Variants in ALG9 observed in about 807,000 individuals in gnomAD.
The protein encoded by ALG9 is ALG9 alpha-1,2-mannosyltransferase, also known as alpha-1,2-mannosyltransferase ALG9.
In ALG9, 55 loss-of-function variants were observed where a neutral mutation model predicts 81.8. That is an observed-to-expected ratio of 0.67 (90% CI 0.54 to 0.84). The LOEUF (loss-of-function observed/expected upper bound fraction) is 0.84. Among genes scored for constraint, ALG9 ranks in the 40% least tolerant of loss-of-function variants. The pLI is 0.00. For synonymous variants in ALG9, 278 were observed against 274.3 expected (o/e 1.01, Z -0.13); for missense variants, 629 against 745.0 (o/e 0.84, Z 1.81).
At chr11:111,805,752 G>A (rs1331073351) in intron 14 of ALG9, among the ~76,000 whole-genome samples, 11 of 152,210 alleles carry the variant, frequency 7.2e-5, no homozygotes, top group African/African-American at 2.7e-4. Flanking sequence ...ATATGCCATA[G>A]AACTGTATAA....
At chr11:111,826,403 AC>A (rs1424939553) in intron 13 of ALG9, among the ~76,000 whole-genome samples, 3 of 145,928 alleles carry the variant, frequency 2.1e-5, no homozygotes, top group South Asian at 4.4e-4. Context: ...AAAAAAAAAA[AC>A]AAAAAAAAAC....
At chr11:111,839,166 A>G (rs1235074305) in intron 10 of ALG9, among the ~76,000 whole-genome samples, 1 of 152,248 alleles carries the variant, frequency 6.6e-6, no homozygotes, top group Admixed American at 6.5e-5. Flanking sequence ...TCCAATAATT[A>G]CATTATATAA....
chr11:111,795,596 T>C (rs537708525), intron 14 of ALG9, among the ~76,000 whole-genome samples: 1 of 152,262 alleles, frequency 6.6e-6, no homozygotes. Context: ...AGACCCTTGA[T>C]GTTCAATAAA....
chr11:111,798,304 G>T, intron 14 of ALG9: 1 of 185,598 alleles, frequency 5.4e-6, no homozygotes, highest in Non-Finnish European at 1.2e-5. Context: ...GGAGGACAGT[G>T]GGTGGAAAGT....
chr11:111,791,552 A>G (rs1265060195), intron 14 of ALG9, among the ~76,000 whole-genome samples: 1 of 152,126 alleles, frequency 6.6e-6, no homozygotes, highest in Non-Finnish European at 1.5e-5. Flanking sequence ...ATAAATCCCA[A>G]ACTCTCTCAT....
chr11:111,867,614 T>C (rs1555154516), intron 3 of ALG9, among the ~76,000 whole-genome samples: 1 of 152,014 alleles, frequency 6.6e-6, no homozygotes, highest in African/African-American at 2.4e-5. Flanking sequence ...AAAGAATCAG[T>C]GAAGTGGAAG....
At chr11:111,826,319 G>A (rs1164365271) in intron 13 of ALG9, among the ~76,000 whole-genome samples, 1 of 150,964 alleles carries the variant, frequency 6.6e-6, no homozygotes, top group Non-Finnish European at 1.5e-5. Context: ...CAGGGAGGTC[G>A]AGGCTGCAGT....
At chr11:111,774,493 G>C in the ALG9 span, among the ~76,000 whole-genome samples, 2 of 152,226 alleles carry the variant, frequency 1.3e-5, no homozygotes, top group Non-Finnish European at 1.5e-5. Flanking sequence ...AAAAACTCTA[G>C]AAGGACACAT....
chr11:111,828,951 T>C (rs1953858468), intron 13 of ALG9: 1 of 152,326 alleles, frequency 6.6e-6, no homozygotes, highest in South Asian at 2.1e-4. Context: ...TTATATATAT[T>C]GTTTTACTGT....
intron 5 of ALG9, among the ~76,000 whole-genome samples, chr11:111,859,025 G>C (rs1426157124): frequency 6.6e-6 from 1 of 152,026 alleles, no homozygotes; most frequent in African/African-American, 2.4e-5. Flanking sequence ...GGGCAACACA[G>C]TGAAACTCCA....
Position 111,783,272 on chromosome 11 carries a change from T to C in ALG9, c.*3125A>G, listed in dbSNP as rs547384257. On this transcript the variant is annotated 3_prime_UTR_variant, in exon 15 of 15. Transcript: ENST00000616540. ...GAGTTTAAGACCAGCCTGGCCAACA[T>C]GGTAAAACCCCACCTCTACTAAAAA... is the stretch of plus-strand genomic sequence containing the variant. 1 of 152,182 alleles carries C rather than the reference T, an allele frequency of 6.6e-6. No individual in the cohort carries two copies. Among genetic ancestry groups the C allele is most frequent in the East Asian group, 1.9e-4 (1 of 5,188 alleles). 9.4% of individuals were successfully genotyped at this position (152,182 alleles called of 1,614,324 possible). A position where few individuals can be genotyped will look rare whatever the true frequency, so the allele number is the denominator to read the frequency against.
chr11:111,785,542 T>C lies in ALG9; in HGVS notation c.*855A>G, dbSNP rs1555062194. ...TAATTTCCTCAGCAATGGCCTCAGA[T>C]TACATTACTTAAAAATGTGATGTCA... On this transcript the variant is annotated 3_prime_UTR_variant, in exon 15 of 15. Coordinates refer to ENST00000616540, the MANE Select transcript of ALG9 (RefSeq NM_024740.2). 1 of 154,132 alleles carries C rather than the reference T, an allele frequency of 6.5e-6. No homozygotes were observed. The highest frequency in any genetic ancestry group is 1.4e-5 in the Non-Finnish European group (1 of 69,380). The allele number at this position is 154,132 out of a possible 1,614,324, so 9.5% of individuals were successfully genotyped here.
rs1311317470 is a variant in ALG9, at chr11:111,871,354, G to A, written c.129C>T (p.Thr43=). The change falls in exon 1 of 15, where the codon ACC becomes ACT. Residue 43 remains threonine, a splice_region_variant and synonymous_variant. Coordinates refer to ENST00000616540, the MANE Select transcript of ALG9 (RefSeq NM_024740.2). ...CCCCTGCCGCGCCGCACACGTACTC[G>A]GTCCGGTGCTCCGCGCCGCCCGCCT... is the stretch of plus-strand genomic sequence containing the variant. ...SREAGGAEHR[T]ELSGNKAGQV... is the part of the protein sequence containing the mutation. 9.8e-6 allele frequency: 15 copies of A among 1,524,218 alleles called. No individual in the cohort carries two copies. In the Admixed American group the frequency reaches 2.4e-4, roughly 24 times the overall value. 94.4% of individuals were successfully genotyped at this position (1,524,218 alleles called of 1,614,324 possible). A position where few individuals can be genotyped will look rare whatever the true frequency, so the allele number is the denominator to read the frequency against.
chr11:111,822,363 C>T (rs932223086), intron 13 of ALG9, among the ~76,000 whole-genome samples: 6 of 141,852 alleles, frequency 4.2e-5, no homozygotes, highest in South Asian at 4.6e-4. Flanking sequence ...GAGCTGTGTT[C>T]GCACCACTGC....
intron 3 of ALG9, 35 bp from the exon 4 acceptor site, chr11:111,865,286 C>G (rs1961969778): frequency 5.4e-6 from 8 of 1,488,528 alleles, no homozygotes; most frequent in Non-Finnish European, 7.3e-6. Flanking sequence ...ACAGAAGTCA[C>G]AGATATGAGC....
intron 14 of ALG9, among the ~76,000 whole-genome samples, chr11:111,796,005 C>T (rs1304470599): frequency 2.6e-5 from 4 of 152,158 alleles, no homozygotes; most frequent in Non-Finnish European, 4.4e-5. Flanking sequence ...CCCTGCTCTT[C>T]GGACCCTCAT....
At chr11:111,788,545 C>A (rs1375537689) in intron 14 of ALG9, 5 of 429,034 alleles carry the variant, frequency 1.2e-5, no homozygotes, top group African/African-American at 2.1e-5. Context: ...GGAGTTTGAG[C>A]CCAGCCTGGG....
At chr11:111,867,689 C>T (rs146427301) in intron 3 of ALG9, among the ~76,000 whole-genome samples, 35 of 152,188 alleles carry the variant, frequency 2.3e-4, no homozygotes, top group African/African-American at 7.2e-4. Context: ...TCCTGATTCT[C>T]GGTATGACAG....
At chr11:111,800,275 T>C (rs1948905716) in intron 14 of ALG9, among the ~76,000 whole-genome samples, 1 of 151,610 alleles carries the variant, frequency 6.6e-6, no homozygotes, top group African/African-American at 2.4e-5. Context: ...GGTCAGGAGA[T>C]TGAGACCATC....
Sources: allele counts gnomAD v4.1 joint callset (sites outside exome capture counted in the v4.1 genomes callset), GRCh38; gene constraint gnomAD v4.1.1; transcripts MANE v1.5; gene names NCBI Gene and HGNC (gene_info 2026-07-23, HGNC 2026-07-21).